Variants in CACNA2D3 observed in about 807,000 individuals in gnomAD.
CACNA2D3 encodes calcium voltage-gated channel auxiliary subunit alpha2delta 3.
Under a neutral mutation model 160.6 loss-of-function variants are expected in CACNA2D3, and 60 were observed. The ratio of observed to expected loss-of-function variants is 0.37; its 90% CI spans 0.30 to 0.46. The LOEUF is 0.46. Ranked by LOEUF, CACNA2D3 falls within the 20% of genes least tolerant of loss-of-function variation. The probability of loss-of-function intolerance (pLI) is 1.00; values close to 1 mark genes in which losing one functional copy is unlikely to be tolerated. For missense variants in CACNA2D3, 1,205 were observed against 1,365.0 expected (o/e 0.88, Z 1.85); for synonymous variants, 558 against 492.9 (o/e 1.13, Z -1.75).
At chr3:54,311,776 G>A (rs575765481) in intron 2 of CACNA2D3, among the ~76,000 whole-genome samples, 1 of 152,240 alleles carries the variant, frequency 6.6e-6, no homozygotes, top group African/African-American at 2.4e-5. Context: ...CCCCATCTCC[G>A]TGCAGCTTGG....
chr3:54,938,236 G>A (rs764543932), intron 27 of CACNA2D3, among the ~76,000 whole-genome samples: 1 of 152,226 alleles, frequency 6.6e-6, no homozygotes, highest in African/African-American at 2.4e-5. Flanking sequence ...TGGATGGGAC[G>A]TAACATTTCC....
intron 2 of CACNA2D3, among the ~76,000 whole-genome samples, chr3:54,243,076 A>G (rs1474828571): frequency 6.6e-6 from 1 of 152,184 alleles, no homozygotes; most frequent in Non-Finnish European, 1.5e-5. Context: ...CCTCAATTGC[A>G]ATTTCAGATC....
chr3:54,513,187 C>T (rs1313836874), intron 5 of CACNA2D3, among the ~76,000 whole-genome samples: 2 of 152,142 alleles, frequency 1.3e-5, no homozygotes, highest in Non-Finnish European at 2.9e-5. Flanking sequence ...TTAGAAGGAC[C>T]TGGGGGCCCT....
intron 17 of CACNA2D3, among the ~76,000 whole-genome samples, chr3:54,848,836 G>C (rs1406006175): frequency 1.3e-5 from 2 of 152,204 alleles, no homozygotes; most frequent in Non-Finnish European, 2.9e-5. Context: ...CATAACCATA[G>C]TGCATAGATC....
intron 8 of CACNA2D3, among the ~76,000 whole-genome samples, chr3:54,577,029 G>A (rs1239922486): frequency 6.6e-6 from 1 of 151,994 alleles, no homozygotes; most frequent in East Asian, 1.9e-4. Flanking sequence ...ACGTGAGTGG[G>A]ACCCGCGTTT....
intron 27 of CACNA2D3, among the ~76,000 whole-genome samples, chr3:54,905,781 C>T (rs1009614150): frequency 6.6e-6 from 1 of 152,134 alleles, no homozygotes; most frequent in Admixed American, 6.5e-5. Flanking sequence ...TTATGTGGTT[C>T]ACATGTCAGT....
At chr3:54,838,207 A>G (rs1698740094) in intron 15 of CACNA2D3, among the ~76,000 whole-genome samples, 1 of 152,216 alleles carries the variant, frequency 6.6e-6, no homozygotes, top group African/African-American at 2.4e-5. Flanking sequence ...TCCTGTAAAA[A>G]GCTTTCATAA....
chr3:54,373,201 G>A (rs1698955995), intron 3 of CACNA2D3, among the ~76,000 whole-genome samples: 1 of 152,146 alleles, frequency 6.6e-6, no homozygotes, highest in South Asian at 2.1e-4. Context: ...AGGGACTTGT[G>A]TAAAATGTTC....
intron 5 of CACNA2D3, among the ~76,000 whole-genome samples, chr3:54,557,492 C>CACTT (rs1702258812): frequency 6.6e-6 from 1 of 152,160 alleles, no homozygotes; most frequent in Non-Finnish European, 1.5e-5. Context: ...CCAGTTGTCA[C>CACTT]ACTTAAGAAA....
chr3:54,265,078 A>C (rs184557328), intron 2 of CACNA2D3, among the ~76,000 whole-genome samples: 21 of 152,340 alleles, frequency 1.4e-4, no homozygotes, highest in African/African-American at 4.8e-4. Flanking sequence ...AGAATGATTT[A>C]TAATCCTTTG....
intron 1 of CACNA2D3, 23 bp downstream of exon 1, chr3:54,122,858 C>T: frequency 2.5e-6 from 3 of 1,223,832 alleles, no homozygotes; most frequent in Non-Finnish European, 2.0e-6. Flanking sequence ...TCCTGCGCCG[C>T]CCGGGGAGGG....
chr3:54,753,638 GCATAACTTTACGTA>G (rs1187596938), intron 12 of CACNA2D3, among the ~76,000 whole-genome samples: 4 of 152,120 alleles, frequency 2.6e-5, no homozygotes, highest in Non-Finnish European at 5.9e-5. Flanking sequence ...TGTTCTTATA[GCATAACTTTACGTA>G]CATTACTAAT....
At chr3:54,513,001 G>T (rs543815310) in intron 5 of CACNA2D3, among the ~76,000 whole-genome samples, 5 of 152,058 alleles carry the variant, frequency 3.3e-5, no homozygotes, top group African/African-American at 4.8e-5. Context: ...ATCAGATCTC[G>T]TGAGAGTTAT....
chr3:54,559,819 C>A (rs969843685), intron 5 of CACNA2D3, among the ~76,000 whole-genome samples: 2 of 152,168 alleles, frequency 1.3e-5, no homozygotes, highest in Non-Finnish European at 2.9e-5. Context: ...ATTTAGCTCC[C>A]ACTTAATAAG....
intron 35 of CACNA2D3, among the ~76,000 whole-genome samples, chr3:55,038,319 G>A (rs1399255214): frequency 2.0e-5 from 3 of 152,072 alleles, no homozygotes; most frequent in Non-Finnish European, 2.9e-5. Context: ...TCACGCAGGA[G>A]ACGCATTTTT....
rs142142642 is a variant in CACNA2D3 at position 55,052,581 on chromosome 3, T to A, written c.2988-20864T>A. Among the ~76,000 whole-genome samples the A allele has an allele frequency of 4.0e-4, 61 of 152,184 alleles. No individual in the cohort carries two copies. The East Asian group carries it at 9.1e-3, about 23-fold the overall frequency. Reference sequence around the variant, plus strand: ...TTTCTGTTCATTACCAAGAGAGGAGTGTTGCAGTCTCCAACTGTAATTGTA... The same window carrying A: ...TTTCTGTTCATTACCAAGAGAGGAGAGTTGCAGTCTCCAACTGTAATTGTA... On this transcript the variant is annotated intron_variant, in intron 35 of 37. Coordinates refer to ENST00000474759, the MANE Select transcript of CACNA2D3 (RefSeq NM_018398.3).
At chr3:54,227,856 G>A (rs376867698) in intron 2 of CACNA2D3, among the ~76,000 whole-genome samples, 1 of 152,098 alleles carries the variant, frequency 6.6e-6, no homozygotes, top group Non-Finnish European at 1.5e-5. Flanking sequence ...GCCTGTCCAC[G>A]TCTCTTTTGG....
At chr3:54,402,451 G>A (rs1699486009) in intron 4 of CACNA2D3, among the ~76,000 whole-genome samples, 1 of 152,002 alleles carries the variant, frequency 6.6e-6, no homozygotes, top group Non-Finnish European at 1.5e-5. Flanking sequence ...GATATTGCAT[G>A]CAAATGGCAA....
chr3:54,701,044 C>T (rs1700759057), intron 11 of CACNA2D3, among the ~76,000 whole-genome samples: 2 of 152,212 alleles, frequency 1.3e-5, no homozygotes, highest in African/African-American at 4.8e-5. Context: ...TTAAATGGAA[C>T]TGGGCCATAT....
Sources: allele counts gnomAD v4.1 joint callset (sites outside exome capture counted in the v4.1 genomes callset), GRCh38; gene constraint gnomAD v4.1.1; transcripts MANE v1.5; gene names NCBI Gene and HGNC (gene_info 2026-07-23, HGNC 2026-07-21).